The following CCDC200 variants were observed in gnomAD, a reference collection of about 807,000 sequenced individuals.
CCDC200 encodes coiled-coil domain-containing protein 200.
rs1053216158 is a variant in CCDC200 at position 43,224,565 on chromosome 17, C to T, written c.106-16G>A. On this transcript the variant is annotated splice_polypyrimidine_tract_variant and intron_variant, in intron 1 of 3. Transcript: ENST00000636331. ...TCTTCAGTTCCTGGCAAGAAGCCCCCGGGCAAGTGGCATCATCCTCTCCCC... is the reference window on the plus strand; with the variant it reads ...TCTTCAGTTCCTGGCAAGAAGCCCCTGGGCAAGTGGCATCATCCTCTCCCC... 1.3e-5 allele frequency: 2 copies of T among 152,744 alleles called. No homozygotes were observed. Among genetic ancestry groups the T allele is most frequent in the African/African-American group, 2.4e-5 (1 of 41,426 alleles). The allele number at this position is 152,744 out of a possible 1,614,324, so 9.5% of individuals were successfully genotyped here.
At chr17:43,225,435 C>T (rs1323698951) in intron 1 of CCDC200, among the ~76,000 whole-genome samples, 11 of 150,764 alleles carry the variant, frequency 7.3e-5, no homozygotes, top group African/African-American at 1.5e-4. Flanking sequence ...GAAGCCGAGG[C>T]GGGCGGATCA....
At chr17:43,223,858 T>A (rs1181911839) in intron 2 of CCDC200, 3 of 152,220 alleles carry the variant, frequency 2.0e-5, no homozygotes, top group Non-Finnish European at 4.4e-5. Context: ...CTACAACTCA[T>A]GTCCCACCCT....
intron 1 of CCDC200, chr17:43,224,769 T>TAA (rs1012242383): frequency 1.3e-5 from 2 of 152,242 alleles, no homozygotes; most frequent in African/African-American, 4.8e-5. Flanking sequence ...GCCCAGGAAA[T>TAA]AGCACTCTCT....
At chr17:43,230,513 TA>T (rs1300657959), upstream of CCDC200, among the ~76,000 whole-genome samples, 1 of 50,430 alleles carries the variant, frequency 2.0e-5, no homozygotes, top group African/African-American at 4.9e-5. Context: ...GAGACCTCCT[TA>T]AAAATACAAA....
chr17:43,224,164 C>G (rs2057552149), intron 2 of CCDC200, 70 bp downstream of exon 2: 1 of 152,756 alleles, frequency 6.5e-6, no homozygotes, highest in Non-Finnish European at 1.5e-5. Context: ...TTCTGCCCAC[C>G]CTGGAATCTG....
rs910618279 is a variant in CCDC200, at chr17:43,223,580, T to G, written c.456A>C (p.Arg152Ser). The G allele has an allele frequency of 2.0e-5, 3 of 152,454 alleles. No individual in the cohort carries two copies. The highest frequency in any genetic ancestry group is 7.3e-5 in the African/African-American group (3 of 41,374). 9.4% of individuals were successfully genotyped at this position (152,454 alleles called of 1,614,324 possible). ...CCTTGAGTTGTGAATACCCAGTGTT[T>G]CTGATGGGGCTAGATTGGCATGGGT... ...LMNPCQSSPI[R>S]NTGYSQLKST... Residue 152 changes from arginine to serine, a missense_variant, in exon 3 of 4, where the codon AGA becomes AGC. Transcript: ENST00000636331.
chr17:43,228,107 T>TAA (rs1598041691), intron 1 of CCDC200, among the ~76,000 whole-genome samples: 1 of 4,316 alleles, frequency 2.3e-4, no homozygotes. Flanking sequence ...AAACTCCATC[T>TAA]CAAAAAAAAA....
At chr17:43,223,227 T>C in intron 3 of CCDC200, among the ~76,000 whole-genome samples, 1 of 122,074 alleles carries the variant, frequency 8.2e-6, no homozygotes, top group East Asian at 2.3e-4. Flanking sequence ...TTTTTTTCAA[T>C]TTTTTTCAAT....
intron 1 of CCDC200, among the ~76,000 whole-genome samples, chr17:43,227,788 A>T (rs1322318978): frequency 6.6e-6 from 1 of 152,096 alleles, no homozygotes; most frequent in Non-Finnish European, 1.5e-5. Flanking sequence ...CCCGGCCAAA[A>T]TAACATTTTT....
At chr17:43,225,658 G>A (rs1256790299) in intron 1 of CCDC200, among the ~76,000 whole-genome samples, 4 of 18,650 alleles carry the variant, frequency 2.1e-4, no homozygotes, top group Non-Finnish European at 4.4e-4. Flanking sequence ...ATGAGACTCC[G>A]TCTAAAAAAA....
intron 1 of CCDC200, among the ~76,000 whole-genome samples, chr17:43,225,823 T>G (rs1476085491): frequency 6.9e-6 from 1 of 145,442 alleles, no homozygotes; most frequent in African/African-American, 2.5e-5. Flanking sequence ...AACCTCTGCT[T>G]CCTGAGTTCA....
At chr17:43,222,172 CTCTGTCTG>C (rs375858064) in intron 3 of CCDC200, among the ~76,000 whole-genome samples, 1 of 151,514 alleles carries the variant, frequency 6.6e-6, no homozygotes, top group Non-Finnish European at 1.5e-5. Flanking sequence ...ATGCTCTTTC[CTCTGTCTG>C]TCTGTCTGTC....
In CCDC200 at chr17:43,225,680, G is replaced by GT. The variant is rs1417539915; in HGVS notation, c.106-1132dup. Among the ~76,000 whole-genome samples, 10 of 16,664 alleles carry GT rather than the reference G, an allele frequency of 6.0e-4. 1 individual carries two copies. In the East Asian group the frequency reaches 0.039, roughly 65 times the overall value. The allele number at this position is 16,664 out of a possible 152,430, so 10.9% of individuals were successfully genotyped here. ...TCCGTCTAAAAAAAAAAAAAAAAAA[G>GT]TATATATATATATTGCATGCTACAT... is the stretch of plus-strand genomic sequence containing the variant. On this transcript the variant is annotated intron_variant, in intron 1 of 3. Coordinates refer to ENST00000636331, the MANE Select transcript of CCDC200 (RefSeq NM_001363254.2).
At chr17:43,231,188 G>C (rs1361531571), upstream of CCDC200, among the ~76,000 whole-genome samples, 1 of 106,610 alleles carries the variant, frequency 9.4e-6, no homozygotes, top group Non-Finnish European at 2.5e-5. Flanking sequence ...ATTGTCCATG[G>C]GGCCCACTGA....
intron 1 of CCDC200, among the ~76,000 whole-genome samples, chr17:43,227,650 T>C (rs1240343146): frequency 2.0e-5 from 3 of 151,560 alleles, no homozygotes; most frequent in African/African-American, 7.3e-5. Flanking sequence ...CATGCCTAGC[T>C]ACTTTTTGTA....
chr17:43,230,678 GA>G (rs1194184063), upstream of CCDC200, among the ~76,000 whole-genome samples: 34 of 6,918 alleles, frequency 4.9e-3, 3 homozygotes, highest in East Asian at 0.014. Context: ...CTTTGTCTCT[GA>G]AAAAAAAAAA....
intron 3 of CCDC200, among the ~76,000 whole-genome samples, chr17:43,222,079 CTG>C (rs1379547801): frequency 6.6e-6 from 1 of 151,886 alleles, no homozygotes; most frequent in Non-Finnish European, 1.5e-5. Context: ...CAGAGTGAGA[CTG>C]TGTCTCAAAA....
At chr17:43,226,834 C>T (rs1299208876) in intron 1 of CCDC200, among the ~76,000 whole-genome samples, 1 of 152,072 alleles carries the variant, frequency 6.6e-6, no homozygotes, top group Non-Finnish European at 1.5e-5. Context: ...AATTTGGACA[C>T]TAAATTTTCA....
intron 1 of CCDC200, among the ~76,000 whole-genome samples, chr17:43,227,651 A>T (rs1485509505): frequency 7.3e-5 from 11 of 151,092 alleles, no homozygotes; most frequent in African/African-American, 2.4e-4. Flanking sequence ...ATGCCTAGCT[A>T]CTTTTTGTAC....
Sources: gnomAD v4.1 joint callset for allele counts (sites outside exome capture counted in the v4.1 genomes callset) on GRCh38, gnomAD v4.1.1 for gene constraint, MANE v1.5 for transcripts, NCBI Gene and HGNC (gene_info 2026-07-23, HGNC 2026-07-21) for gene names.